The following CEP350 variants were observed in gnomAD, a reference collection of about 807,000 sequenced individuals.
CEP350 encodes the protein centrosomal protein 350.
Under a neutral mutation model 331.8 loss-of-function variants are expected in CEP350, and 126 were observed. The observed-to-expected ratio is 0.38, with a 90% CI of 0.33 to 0.44. The LOEUF (loss-of-function observed/expected upper bound fraction) is 0.44. CEP350 is among the 20% of genes least tolerant of loss of function. CEP350 has a pLI of 1.00. For synonymous variants in CEP350, 1,200 were observed against 1,259.5 expected, an observed-to-expected ratio of 0.95 and a Z score of 1.00; for missense variants, 3,406 against 3,634.6, an observed-to-expected ratio of 0.94 and a Z score of 1.62.
At position 180,020,463 on chromosome 1, in the gene CEP350, C is replaced by T. The variant is rs1217174253; in HGVS notation, c.2689C>T (p.Leu897=). ...DVFSARIQKM[L]GSCVSHATFD... ...TTTCTCTGCCAGAATTCAGAAGATG[C>T]TGGGAAGCTGTGTATCTCATGCAAC... Residue 897 remains leucine, a synonymous_variant, in exon 12 of 38, where the codon CTG becomes TTG. Transcript: ENST00000367607. 3 of 1,613,966 alleles carry T rather than the reference C, an allele frequency of 1.9e-6. No homozygotes were observed. In the Admixed American group the frequency reaches 5.0e-5, roughly 27 times the overall value.
rs535596375 is a variant in CEP350 at position 180,023,728 on chromosome 1, T to G, written c.3387-691T>G. 1.1e-4 allele frequency among the ~76,000 whole-genome samples: 16 copies of G among 152,194 alleles called. No homozygotes were observed. In the South Asian group the frequency reaches 3.3e-3, roughly 32 times the overall value. On this transcript the variant is annotated intron_variant, in intron 13 of 37. Coordinates refer to ENST00000367607, the MANE Select transcript of CEP350 (RefSeq NM_014810.5). ...CAGAGGTTAAATTACTTGTACATAG[T>G]CACATAGTAAGTGAATCAGACTTCG...
In CEP350 at chr1:180,111,137, G is replaced by A. The variant is rs762995866; in HGVS notation, c.9330G>A (p.Lys3110=). 1 of 1,614,006 alleles carries A rather than the reference G, an allele frequency of 6.2e-7. No individual in the cohort carries two copies. Among genetic ancestry groups the A allele is most frequent in the Admixed American group, 1.7e-5 (1 of 60,030 alleles). ...TIDVLNQISE[K]QGRMLLV ...ATGTTCTGAATCAGATCAGTGAAAA[G>A]CAGGGGAGAATGCTACTTGTGTGAC... Residue 3110 remains lysine, a synonymous_variant, in exon 38 of 38, where the codon AAG becomes AAA. Transcript: ENST00000367607.
chr1:180,011,785 AGG>A (rs1654676236), intron 8 of CEP350, 142 bp from the exon 9 acceptor site: 2 of 561,820 alleles, frequency 3.6e-6, no homozygotes, highest in Non-Finnish European at 6.2e-6. Context: ...TGGGGAGGTT[AGG>A]GTTTAAAAAT....
chr1:180,004,873 G>GCTTGCTTGCTT (rs1654108990), intron 7 of CEP350, among the ~76,000 whole-genome samples: 10 of 100,526 alleles, frequency 9.9e-5, no homozygotes, highest in Non-Finnish European at 1.7e-4. Flanking sequence ...CAGGCTGGCT[G>GCTTGCTTGCTT]GCTTGCTTGC....
intron 21 of CEP350, among the ~76,000 whole-genome samples, chr1:180,046,092 A>G (rs1442718601): frequency 1.3e-5 from 2 of 152,226 alleles, no homozygotes; most frequent in East Asian, 3.8e-4. Flanking sequence ...GTGTTCTCCT[A>G]CAGCACTGTG....
intron 11 of CEP350, among the ~76,000 whole-genome samples, chr1:180,018,644 C>A (rs74674780): frequency 0.029 from 4,391 of 152,116 alleles, 105 homozygotes; most frequent in South Asian, 0.068. Flanking sequence ...TTATTTTAAC[C>A]CAATTGCAGA....
Position 180,020,117 on chromosome 1 carries a change from C to T in CEP350, c.2343C>T (p.Thr781=). Residue 781 remains threonine (T), a synonymous_variant, in exon 12 of 38, where the codon ACC becomes ACT. Coordinates refer to ENST00000367607, the MANE Select transcript of CEP350 (RefSeq NM_014810.5). ...AGGATTTTGAATCTATTTTACCAAC[C>T]AGGAAGAATCATAATATGGCTTCAA... ...LHKDFESILP[T]RKNHNMASRP... 6.2e-7 allele frequency: 1 copy of T among 1,613,978 alleles called. No individual in the cohort carries two copies. The highest frequency in any genetic ancestry group is 8.5e-7 in the Non-Finnish European group (1 of 1,179,878).
intron 6 of CEP350, among the ~76,000 whole-genome samples, chr1:180,001,626 G>A (rs1450297955): frequency 2.0e-5 from 3 of 152,134 alleles, no homozygotes; most frequent in African/African-American, 7.2e-5. Flanking sequence ...TATGTGTAAG[G>A]TTTCTTGAGA....
In CEP350 at chr1:180,004,898, G is replaced by GCTTTCTTT. The variant is rs1491096254; in HGVS notation, c.1133-1553_1133-1552insTCTTTCTT. On this transcript the variant is annotated intron_variant, in intron 7 of 37. Coordinates refer to ENST00000367607, the MANE Select transcript of CEP350 (RefSeq NM_014810.5). ...GGCTTGCTTGCTTGCTTGCTTGCTT[G>GCTTTCTTT]CTTGCTTGCTTTCTTTCTTTCTTTC... Among the ~76,000 whole-genome samples the GCTTTCTTT allele has an allele frequency of 1.0e-3, 123 of 121,442 alleles. 1 individual carries two copies. The highest frequency in any genetic ancestry group is 4.3e-3 in the Middle Eastern group (1 of 234). The allele number at this position is 121,442 out of a possible 152,430, so 79.7% of individuals were successfully genotyped here.
At chr1:180,018,922 C>T (rs1655143431) in intron 11 of CEP350, among the ~76,000 whole-genome samples, 1 of 147,566 alleles carries the variant, frequency 6.8e-6, no homozygotes, top group African/African-American at 2.5e-5. Flanking sequence ...GTGGCACGAT[C>T]TCGGCCCAAT....
At chr1:180,095,116 G>A (rs2149139322) in intron 34 of CEP350, 1 of 176,902 alleles carries the variant, frequency 5.7e-6, no homozygotes, top group South Asian at 1.4e-4. Flanking sequence ...CATGCACTCA[G>A]ACCATCAGCT....
At chr1:179,976,035 G>A (rs1344676588) in intron 1 of CEP350, among the ~76,000 whole-genome samples, 2 of 152,122 alleles carry the variant, frequency 1.3e-5, no homozygotes, top group African/African-American at 4.8e-5. Flanking sequence ...TATGTTTTAC[G>A]AATCCCAAGA....
At position 180,096,091 on chromosome 1, in the gene CEP350, C is replaced by G. The variant is rs1285962585; in HGVS notation, c.8973C>G (p.Pro2991=). Residue 2991 remains proline (P), a synonymous_variant, in exon 36 of 38, where the codon CCC becomes CCG. Transcript: ENST00000367607. ...EIFEEIFAED[P]NLNQPVWMKP... ...TTGAGGAAATATTTGCTGAGGATCC[C>G]AACTTAAATCAACCTGTCTGGATGA... 1.3e-6 allele frequency: 2 copies of G among 1,556,318 alleles called. No homozygotes were observed. The highest frequency in any genetic ancestry group is 2.0e-5 in the Admixed American group (1 of 51,242).
chr1:180,039,086 G>C (rs148904371), intron 17 of CEP350, among the ~76,000 whole-genome samples: 1 of 131,266 alleles, frequency 7.6e-6, no homozygotes, highest in South Asian at 2.8e-4. Context: ...CCACCGTGGC[G>C]TATGCCTGTA....
chr1:179,994,872 C>T (rs555379072), intron 5 of CEP350, among the ~76,000 whole-genome samples: 59 of 152,166 alleles, frequency 3.9e-4, no homozygotes, highest in Non-Finnish European at 6.9e-4. Flanking sequence ...TGCACACGCT[C>T]ATATGATCTC....
intron 5 of CEP350, among the ~76,000 whole-genome samples, chr1:179,992,705 A>C (rs1653181410): frequency 6.6e-6 from 1 of 152,192 alleles, no homozygotes; most frequent in African/African-American, 2.4e-5. Flanking sequence ...GCTTTCAGCA[A>C]CTTAGATGTT....
In CEP350 at chr1:180,053,867, C is replaced by T. The variant is rs866662215; in HGVS notation, c.5107C>T (p.Arg1703Cys). The T allele has an allele frequency of 1.3e-5, 21 of 1,610,738 alleles. No individual in the cohort carries two copies. Among genetic ancestry groups the T allele is most frequent in the African/African-American group, 4.0e-5 (3 of 74,882 alleles). The change falls in exon 24 of 38, where the codon CGT becomes TGT. Residue 1703 changes from arginine to cysteine, a missense_variant. This residue lies in a region of CEP350 where 104 missense variants were observed against 143.3 expected (regional missense o/e 0.73). Coordinates refer to ENST00000367607, the MANE Select transcript of CEP350 (RefSeq NM_014810.5). ...MRAAHQSSLL[R>C]LREKALKEKT... ...GGCAGCTCACCAGTCTTCACTCCTGCGTCTCCGTGAAAAGGCCTTGAAGGA... is the reference window on the plus strand; with the variant it reads ...GGCAGCTCACCAGTCTTCACTCCTGTGTCTCCGTGAAAAGGCCTTGAAGGA...
chr1:180,010,523 A>G (rs1288969601), intron 8 of CEP350, among the ~76,000 whole-genome samples: 1 of 151,746 alleles, frequency 6.6e-6, no homozygotes, highest in Non-Finnish European at 1.5e-5. Context: ...AAATGTTACA[A>G]TAATTTAATT....
rs541858382 is a variant in CEP350, at chr1:180,028,570, G to A, written c.3551-2750G>A. ...TTTGTGAGGCTGAGGTGGGTGGATC[G>A]TTTGATGCAGGAGTTCAAACTCCTG... On this transcript the variant is annotated intron_variant, in intron 14 of 37. Transcript: ENST00000367607. Among the ~76,000 whole-genome samples, 9 of 152,222 alleles carry A rather than the reference G, an allele frequency of 5.9e-5. No individual in the cohort carries two copies. The South Asian group carries it at 1.5e-3, about 25-fold the overall frequency.
Sources: gnomAD v4.1 joint callset for allele counts (sites outside exome capture counted in the v4.1 genomes callset) on GRCh38, gnomAD v4.1.1 for gene constraint, gnomAD v4.1.1 regional missense constraint, MANE v1.5 for transcripts, NCBI Gene and HGNC (gene_info 2026-07-23, HGNC 2026-07-21) for gene names.